Variants in MYH4 observed in about 807,000 individuals in gnomAD.
The protein encoded by MYH4 is myosin-4.
In MYH4, 200 loss-of-function variants were observed where a neutral mutation model predicts 229.9. That is an observed-to-expected ratio of 0.87 (90% CI 0.78 to 0.98). The LOEUF (loss-of-function observed/expected upper bound fraction) is 0.98, where lower values mean the gene tolerates loss of function less well. MYH4 is among the 50% of genes least tolerant of loss of function. The pLI is 0.00. For missense variants in MYH4, 2,148 were observed against 2,332.6 expected (o/e 0.92, Z 1.63); for synonymous variants, 761 against 834.6 (o/e 0.91, Z 1.52).
In MYH4 at chr17:10,445,092, C is replaced by G; in HGVS notation, c.5350G>C (p.Glu1784Gln). ...TGCTCCATGTTCTTCTTCATCCGCTCCAGGTGGGCGCTGGTGTCCTGTTCC... is the reference window on the plus strand; with the variant it reads ...TGCTCCATGTTCTTCTTCATCCGCTGCAGGTGGGCGCTGGTGTCCTGTTCC... Reference protein sequence around the residue: ...KKEQDTSAHLERMKKNMEQTV... With the variant: ...KKEQDTSAHLQRMKKNMEQTV... The change falls in exon 37 of 40, where the codon GAG (glutamate) becomes CAG (glutamine). Residue 1784 changes from glutamate (E) to glutamine (Q), a missense_variant. Glu to Gln is a conservative substitution (Grantham distance 29, BLOSUM62 2). Transcript: ENST00000255381. 6.2e-7 allele frequency: 1 copy of G among 1,614,172 alleles called. No individual in the cohort carries two copies. The highest frequency in any genetic ancestry group is 8.5e-7 in the Non-Finnish European group (1 of 1,180,032).
Position 10,448,954 on chromosome 17 carries a change from T to C in MYH4, c.4275A>G (p.Leu1425=). ...TCATGAGGTCCTCTACTTCATTCTG[T>C]AGCCTCTGCTTTGTCTTTTCAAGAG... ...CASLEKTKQR[L]QNEVEDLMID... The change falls in exon 31 of 40, where the codon CTA becomes CTG. Residue 1425 remains leucine (L), a synonymous_variant. Coordinates refer to ENST00000255381, the MANE Select transcript of MYH4 (RefSeq NM_017533.2). 6.2e-7 allele frequency: 1 copy of C among 1,614,150 alleles called. No individual in the cohort carries two copies. The highest frequency in any genetic ancestry group is 8.5e-7 in the Non-Finnish European group (1 of 1,179,996).
Position 10,463,131 on chromosome 17 carries a change from A to G in MYH4, c.863T>C (p.Ile288Thr). Residue 288 changes from isoleucine (I) to threonine (T), a missense_variant, in exon 10 of 40, where the codon ATA becomes ACA. Physicochemically the swap from Ile to Thr is moderately conservative, Grantham distance 89. Transcript: ENST00000255381. The part of the protein sequence containing the change: ...FQLKAERSYH[I>T]FYQILSNKKP... ...CTTATTGGACAGGATTTGATAAAATATGTGGTAGCTTCTTTCAGCCTTTAG... is the reference window on the plus strand; with the variant it reads ...CTTATTGGACAGGATTTGATAAAATGTGTGGTAGCTTCTTTCAGCCTTTAG... The G allele has an allele frequency of 6.2e-7, 1 of 1,613,746 alleles. No individual in the cohort carries two copies. The highest frequency in any genetic ancestry group is 8.5e-7 in the Non-Finnish European group (1 of 1,179,826).
chr17:10,454,949 C>T lies in MYH4; in HGVS notation c.2427G>A (p.Met809Ile). The T allele has an allele frequency of 3.7e-6, 6 of 1,614,172 alleles. No individual in the cohort carries two copies. Among genetic ancestry groups the T allele is most frequent in the Non-Finnish European group, 5.1e-6 (6 of 1,180,010 alleles). The part of the protein sequence containing the change: ...FLMRVEFRKM[M>I]ERRESIFCIQ... ...TGTGTGTGGGCTCTCACCTCCTCTC[C>T]ATCATCTTTCTGAACTCCACTCTCA... is the stretch of plus-strand genomic sequence containing the variant. Residue 809 changes from methionine to isoleucine, a missense_variant, in exon 21 of 40, where the codon ATG (methionine) becomes ATA (isoleucine). Physicochemically the swap from Met to Ile is conservative, Grantham distance 10. Coordinates refer to ENST00000255381, the MANE Select transcript of MYH4 (RefSeq NM_017533.2).
Position 10,456,509 on chromosome 17 carries a change from G to C in MYH4, c.1944C>G (p.Phe648Leu), listed in dbSNP as rs373133379. 8.7e-6 allele frequency: 14 copies of C among 1,613,692 alleles called. No homozygotes were observed. Among genetic ancestry groups the C allele is most frequent in the African/African-American group, 2.7e-5 (2 of 74,896 alleles). ...KKGGKKKGSSFQTVSALFREN... is the reference protein window; with the variant it reads ...KKGGKKKGSSLQTVSALFREN... ...CCCTGAAAAGAGCTGACACTGTCTG[G>C]AAAGAAGAACCCTTCTTTTTGCCAC... The change falls in exon 17 of 40, where the codon TTC becomes TTG. Residue 648 changes from phenylalanine to leucine, a missense_variant. Transcript: ENST00000255381.
In MYH4 at chr17:10,451,724, AT is replaced by A. The variant is rs574678696; in HGVS notation, c.3738+216del. ...TTAGATAAACCTTTTTTGTAATTAC[AT>A]TTTTTTTCATGGTAATAGTATCAAA... is the stretch of plus-strand genomic sequence containing the variant. On this transcript the variant is annotated intron_variant, in intron 27 of 39. Transcript: ENST00000255381. Among the ~76,000 whole-genome samples, 15 of 151,906 alleles carry A rather than the reference AT, an allele frequency of 9.9e-5. No individual in the cohort carries two copies. The East Asian group carries it at 1.5e-3, about 16-fold the overall frequency.
chr17:10,452,139 C>A lies in MYH4; in HGVS notation c.3540G>T (p.Arg1180Ser). ...GCTGCAGGGTGGACTCTTCCAGGTCCCTGCGCATTTTCTGGAACTCAGCCT... is the reference window on the plus strand; with the variant it reads ...GCTGCAGGGTGGACTCTTCCAGGTCACTGCGCATTTTCTGGAACTCAGCCT... ...KREAEFQKMRRDLEESTLQHE... is the reference protein window; with the variant it reads ...KREAEFQKMRSDLEESTLQHE... Residue 1180 changes from arginine to serine, a missense_variant, in exon 27 of 40, where the codon AGG (arginine) becomes AGT (serine). Physicochemically the swap from Arg to Ser is moderately radical, Grantham distance 110. Transcript: ENST00000255381. 6.2e-7 allele frequency: 1 copy of A among 1,614,052 alleles called. No individual in the cohort carries two copies. Among genetic ancestry groups the A allele is most frequent in the Non-Finnish European group, 8.5e-7 (1 of 1,180,024 alleles).
At position 10,452,101 on chromosome 17, in the gene MYH4, G is replaced by A. The variant is rs1382441686; in HGVS notation, c.3578C>T (p.Ala1193Val). The A allele has an allele frequency of 2.5e-6, 4 of 1,613,878 alleles. No homozygotes were observed. The highest frequency in any genetic ancestry group is 1.3e-5 in the African/African-American group (1 of 74,898). ...TGCGTGCTTCTTCCGAAGAGCAGCT[G>A]CCGTGGCTTCGTGCTGCAGGGTGGA... ...EESTLQHEAT[A>V]AALRKKHADS... Residue 1193 changes from alanine (A) to valine (V), a missense_variant, in exon 27 of 40, where the codon GCA becomes GTA. Coordinates refer to ENST00000255381, the MANE Select transcript of MYH4 (RefSeq NM_017533.2).
chr17:10,455,925 T>C (rs771319268), intron 17 of MYH4, 24 bp from the exon 18 acceptor site: 2 of 1,613,888 alleles, frequency 1.2e-6, no homozygotes, highest in Non-Finnish European at 8.5e-7. Flanking sequence ...TGAAAAGTTT[T>C]AAAATCATTT....
At chr17:10,445,524 T>C (rs1203665296) in intron 35 of MYH4, among the ~76,000 whole-genome samples, 162 bp from the exon 36 acceptor site, 2 of 152,224 alleles carry the variant, frequency 1.3e-5, no homozygotes, top group Non-Finnish European at 2.9e-5. Context: ...TTCTCCTTTC[T>C]ATATATAGCT....
At chr17:10,451,518 A>G in intron 27 of MYH4, 66 bp from the exon 28 acceptor site, 3 of 1,527,760 alleles carry the variant, frequency 2.0e-6, no homozygotes, top group Non-Finnish European at 2.7e-6. Context: ...GGATTTAGAG[A>G]TCTGTAACTA....
chr17:10,460,829 T>C, intron 12 of MYH4, 87 bp downstream of exon 12: 1 of 1,444,806 alleles, frequency 6.9e-7, no homozygotes, highest in Non-Finnish European at 9.5e-7. Context: ...ACGAGCTAGG[T>C]CAGAGAAAGT....
Position 10,466,584 on chromosome 17 carries a change from G to A in MYH4, c.162C>T (p.Ser54=). 1 of 1,613,892 alleles carries A rather than the reference G, an allele frequency of 6.2e-7. No homozygotes were observed. Among genetic ancestry groups the A allele is most frequent in the South Asian group, 1.1e-5 (1 of 91,056 alleles). The part of the protein sequence containing the change: ...KESYVKAIVQ[S]REGGKVTAKT... Reference sequence around the variant, plus strand: ...TGGCTGTCACCTTCCCCCCTTCCCTGCTCTGCACTATTGCTTTCACGTAGG... The same window carrying A: ...TGGCTGTCACCTTCCCCCCTTCCCTACTCTGCACTATTGCTTTCACGTAGG... The change falls in exon 3 of 40, where the codon AGC becomes AGT. Residue 54 remains serine (S), a synonymous_variant. Coordinates refer to ENST00000255381, the MANE Select transcript of MYH4 (RefSeq NM_017533.2).
chr17:10,460,278 G>A lies in MYH4; in HGVS notation c.1191C>T (p.Asp397=), dbSNP rs1373870481. The A allele has an allele frequency of 2.5e-6, 4 of 1,613,732 alleles. No individual in the cohort carries two copies. The highest frequency in any genetic ancestry group is 3.3e-4 in the Middle Eastern group (2 of 6,062). ...TGGGATAGCAGAGAGATTTGAGCAG[G>A]TCAGCAGAGTTCAGACTTGTCAGAT... ...AAYLTSLNSA[D]LLKSLCYPRV... is the part of the protein sequence containing the mutation. Residue 397 remains aspartate, a synonymous_variant, in exon 13 of 40, where the codon GAC becomes GAT. Transcript: ENST00000255381.
At chr17:10,459,903 C>T in intron 14 of MYH4, 49 bp downstream of exon 14, 2 of 1,612,916 alleles carry the variant, frequency 1.2e-6, no homozygotes, top group African/African-American at 1.3e-5. Context: ...TTTGTATGCT[C>T]TAACAAGAGG....
chr17:10,466,480 A>G, intron 3 of MYH4, 62 bp downstream of exon 3: 1 of 1,612,556 alleles, frequency 6.2e-7, no homozygotes, highest in Non-Finnish European at 8.5e-7. Flanking sequence ...GGTCAAAAAA[A>G]TATCACCTAA....
chr17:10,456,124 A>G (rs1265507975), intron 17 of MYH4, among the ~76,000 whole-genome samples: 1 of 152,230 alleles, frequency 6.6e-6, no homozygotes, highest in Non-Finnish European at 1.5e-5. Flanking sequence ...CCAGTCAGAG[A>G]AACTTTGTAT....
intron 24 of MYH4, 58 bp from the exon 25 acceptor site, chr17:10,452,990 T>C (rs1237941713): frequency 6.3e-7 from 1 of 1,591,142 alleles, no homozygotes; most frequent in South Asian, 1.2e-5. Flanking sequence ...CCTATGCTAG[T>C]AGCCTTCAAA....
At chr17:10,447,298 T>C in intron 34 of MYH4, 82 bp from the exon 35 acceptor site, 3 of 1,224,850 alleles carry the variant, frequency 2.4e-6, no homozygotes, top group Non-Finnish European at 3.5e-6. Context: ...CTCTTTGATC[T>C]TAATGACTTA....
intron 2 of MYH4, among the ~76,000 whole-genome samples, chr17:10,468,242 A>T (rs544881858): frequency 1.3e-5 from 2 of 152,260 alleles, no homozygotes; most frequent in South Asian, 4.1e-4. Context: ...TACCACGTGG[A>T]GGTTACTATA....
Sources: gnomAD v4.1 joint callset for allele counts (sites outside exome capture counted in the v4.1 genomes callset) on GRCh38, gnomAD v4.1.1 for gene constraint, MANE v1.5 for transcripts, NCBI Gene and HGNC (gene_info 2026-07-23, HGNC 2026-07-21) for gene names.